Variants in GRK5 observed in about 807,000 individuals in gnomAD.
GRK5 encodes the protein g protein-coupled receptor kinase GRK5.
GRK5 carries 40 observed loss-of-function variants against 78.4 expected under a neutral mutation model. The ratio of observed to expected loss-of-function variants is 0.51; its 90% CI spans 0.40 to 0.66. The LOEUF is 0.66. GRK5 is among the 30% of genes least tolerant of loss of function. The pLI is 0.00. For synonymous variants in GRK5, 289 were observed against 296.8 expected (o/e 0.97, Z 0.27); for missense variants, 598 against 759.9 (o/e 0.79, Z 2.50).
intron 4 of GRK5, among the ~76,000 whole-genome samples, chr10:119,410,327 T>C (rs1239692829): frequency 6.6e-6 from 1 of 152,162 alleles, no homozygotes; most frequent in Non-Finnish European, 1.5e-5. Flanking sequence ...TTCCCTCGCT[T>C]CCCGACCCCT....
At chr10:119,339,623 G>A (rs1412241554) in intron 2 of GRK5, among the ~76,000 whole-genome samples, 1 of 152,194 alleles carries the variant, frequency 6.6e-6, no homozygotes, top group Admixed American at 6.5e-5. Context: ...GCTAGGCTCG[G>A]TGGCTCACTC....
In GRK5 at chr10:119,271,594, G is replaced by A. The variant is rs888364292; in HGVS notation, c.53-54922G>A. Reference sequence around the variant, plus strand: ...GAAGACCTTGGATGGTCCGGAGCTCGTAAATGACTCACCCCATCAGTGCTG... The same window carrying A: ...GAAGACCTTGGATGGTCCGGAGCTCATAAATGACTCACCCCATCAGTGCTG... On this transcript the variant is annotated intron_variant, in intron 1 of 15. Coordinates refer to ENST00000392870, the MANE Select transcript of GRK5 (RefSeq NM_005308.3). This position sits in a 1 kb window ranked among gnomAD's most constrained non-coding sequence, Gnocchi z 4.1. Among the ~76,000 whole-genome samples, 4 of 152,200 alleles carry A rather than the reference G, an allele frequency of 2.6e-5. No individual in the cohort carries two copies. The highest frequency in any genetic ancestry group is 4.1e-4 in the South Asian group (2 of 4,822).
chr10:119,347,397 ATG>A (rs1851114642), intron 2 of GRK5, among the ~76,000 whole-genome samples: 1 of 151,508 alleles, frequency 6.6e-6, no homozygotes, highest in East Asian at 1.9e-4. Context: ...GCGAGTGTGC[ATG>A]TGTGTGCGTG....
intron 12 of GRK5, among the ~76,000 whole-genome samples, chr10:119,447,700 G>A (rs776054132): frequency 6.6e-6 from 1 of 152,182 alleles, no homozygotes; most frequent in Non-Finnish European, 1.5e-5. Context: ...CAAGTGCCTC[G>A]GTGGTGCCTT....
chr10:119,373,510 G>A (rs1259129920), intron 2 of GRK5, among the ~76,000 whole-genome samples: 1 of 152,180 alleles, frequency 6.6e-6, no homozygotes, highest in East Asian at 1.9e-4. Flanking sequence ...CATGTAAGAC[G>A]TCCCTTGCTC....
At chr10:119,304,997 C>T (rs982646273) in intron 1 of GRK5, among the ~76,000 whole-genome samples, 1 of 151,910 alleles carries the variant, frequency 6.6e-6, no homozygotes, top group Non-Finnish European at 1.5e-5. Flanking sequence ...TCTCCCACCC[C>T]CTCCCTTCTC....
chr10:119,290,547 G>C (rs1227822344), intron 1 of GRK5, among the ~76,000 whole-genome samples: 1 of 151,880 alleles, frequency 6.6e-6, no homozygotes, highest in African/African-American at 2.4e-5. Flanking sequence ...TTCACAAAGT[G>C]GTTCTCACTT....
chr10:119,381,511 T>TGACA (rs1851709927), intron 3 of GRK5, among the ~76,000 whole-genome samples: 1 of 152,248 alleles, frequency 6.6e-6, no homozygotes, highest in African/African-American at 2.4e-5. Flanking sequence ...ATGACATGCC[T>TGACA]GACACCATGG....
At chr10:119,369,780 A>C (rs1851516990) in intron 2 of GRK5, among the ~76,000 whole-genome samples, 2 of 151,992 alleles carry the variant, frequency 1.3e-5, no homozygotes, top group African/African-American at 4.8e-5. Flanking sequence ...GGCAGAGGAG[A>C]GGGCTCAGAG....
chr10:119,415,094 A>G (rs1025092845), intron 4 of GRK5, among the ~76,000 whole-genome samples: 104 of 151,442 alleles, frequency 6.9e-4, no homozygotes, highest in Non-Finnish European at 1.3e-3. Flanking sequence ...AAAAAAAAAA[A>G]AAAAAAAAAG....
intron 1 of GRK5, among the ~76,000 whole-genome samples, chr10:119,310,929 G>A (rs912926549): frequency 1.3e-5 from 2 of 152,180 alleles, no homozygotes; most frequent in Non-Finnish European, 2.9e-5. Context: ...CCCGTCTGAT[G>A]AGAACCCCTT....
intron 4 of GRK5, among the ~76,000 whole-genome samples, chr10:119,405,353 G>T (rs1337190130): frequency 1.3e-5 from 2 of 152,140 alleles, no homozygotes; most frequent in Non-Finnish European, 2.9e-5. Flanking sequence ...TAGATGCAGG[G>T]CTGCCTCTTT....
chr10:119,411,288 C>T (rs550541402), intron 4 of GRK5, among the ~76,000 whole-genome samples: 53 of 152,268 alleles, frequency 3.5e-4, no homozygotes, highest in African/African-American at 1.1e-3. Context: ...ACAGGCCTTT[C>T]GTGGATGCTG....
chr10:119,285,238 G>T (rs1373232388), intron 1 of GRK5, among the ~76,000 whole-genome samples: 1 of 152,172 alleles, frequency 6.6e-6, no homozygotes, highest in East Asian at 1.9e-4. Flanking sequence ...GGTAGGGGGA[G>T]CACTAAGGGA....
intron 1 of GRK5, among the ~76,000 whole-genome samples, chr10:119,245,479 T>C (rs933019905): frequency 2.6e-5 from 4 of 152,174 alleles, no homozygotes; most frequent in Non-Finnish European, 5.9e-5. Context: ...AGCCACAACA[T>C]GTATGAACTT....
intron 1 of GRK5, among the ~76,000 whole-genome samples, chr10:119,269,418 C>T (rs1256834554): frequency 7.2e-5 from 11 of 152,114 alleles, no homozygotes; most frequent in Non-Finnish European, 1.2e-4. Context: ...CCTGGGGTAG[C>T]AGCACCCGTG....
chr10:119,241,007 G>T lies in GRK5; in HGVS notation c.52+33038G>T, dbSNP rs562287054. Among the ~76,000 whole-genome samples, 6 of 152,310 alleles carry T rather than the reference G, an allele frequency of 3.9e-5. No homozygotes were observed. The East Asian group carries it at 1.2e-3, about 29-fold the overall frequency. Reference sequence around the variant, plus strand: ...GTCGGAGCAGGCAGGATTGTGCCGGGGGCTCTCAACCCTTTGCTGGGGGCC... The same window carrying T: ...GTCGGAGCAGGCAGGATTGTGCCGGTGGCTCTCAACCCTTTGCTGGGGGCC... On this transcript the variant is annotated intron_variant, in intron 1 of 15. Transcript: ENST00000392870.
At chr10:119,277,962 G>T (rs1242895980) in intron 1 of GRK5, among the ~76,000 whole-genome samples, 2 of 152,162 alleles carry the variant, frequency 1.3e-5, no homozygotes, top group Admixed American at 1.3e-4. Flanking sequence ...CCACTGTATC[G>T]ATAGACCACA....
rs763588844 is a variant in GRK5 at position 119,425,058 on chromosome 10, G to A, written c.506G>A (p.Arg169His). The change falls in exon 6 of 16, where the codon CGC (arginine) becomes CAC (histidine). Residue 169 changes from arginine to histidine, a missense_variant. Arg to His is a conservative substitution (Grantham distance 29, BLOSUM62 0). Transcript: ENST00000392870. ...HEYLDSMFFD[R>H]FLQWKWLERQ... ...TATCTGGACAGCATGTTTTTTGACC[G>A]CTTTCTCCAGTGGAAGTGGTTGGAA... 3.3e-5 allele frequency: 54 copies of A among 1,613,172 alleles called. No homozygotes were observed. Among genetic ancestry groups the A allele is most frequent in the Admixed American group, 1.7e-5 (1 of 59,988 alleles).
Sources: allele counts gnomAD v4.1 joint callset (sites outside exome capture counted in the v4.1 genomes callset), GRCh38; gene constraint gnomAD v4.1.1; non-coding constraint Gnocchi (gnomAD v3.1); transcripts MANE v1.5; gene names NCBI Gene and HGNC (gene_info 2026-07-23, HGNC 2026-07-21).